Variants in IFT88 observed in about 807,000 individuals in gnomAD.
IFT88 encodes intraflagellar transport 88, also known as intraflagellar transport protein 88 homolog.
A neutral mutation model predicts 119.5 loss-of-function variants in IFT88; 74 were observed. The observed-to-expected ratio is 0.62, with a 90% CI of 0.51 to 0.75. The LOEUF is 0.75. Among genes scored for constraint, IFT88 ranks in the 30% least tolerant of loss-of-function variants. The pLI is 0.00. For synonymous variants in IFT88, 279 were observed against 316.7 expected (o/e 0.88, Z 1.26); for missense variants, 961 against 977.7 (o/e 0.98, Z 0.23).
At chr13:20,626,366 T>C (rs766906271) in intron 15 of IFT88, among the ~76,000 whole-genome samples, 3 of 152,108 alleles carry the variant, frequency 2.0e-5, no homozygotes, top group African/African-American at 4.8e-5. Context: ...AGCTGTTGTT[T>C]CTTAAAATGT....
chr13:20,651,422 T>TTA (rs1491207459), intron 20 of IFT88, among the ~76,000 whole-genome samples: 1 of 146,158 alleles, frequency 6.8e-6, no homozygotes, highest in Non-Finnish European at 1.5e-5. Context: ...GATCAGATAC[T>TTA]TACACATGTT....
At chr13:20,648,598 G>A (rs753327273) in intron 20 of IFT88, among the ~76,000 whole-genome samples, 13 of 152,136 alleles carry the variant, frequency 8.5e-5, no homozygotes, top group South Asian at 4.2e-4. Flanking sequence ...AAAAAGAGTA[G>A]TAATGGAAGA....
intron 14 of IFT88, among the ~76,000 whole-genome samples, chr13:20,625,546 G>T (rs2047161042): frequency 6.6e-6 from 1 of 152,120 alleles, no homozygotes. Flanking sequence ...ATTAAAATAG[G>T]CTAATGATAA....
intron 1 of IFT88, among the ~76,000 whole-genome samples, chr13:20,572,589 G>A (rs78917149): frequency 0.013 from 2,012 of 152,210 alleles, 44 homozygotes; most frequent in African/African-American, 0.045. Context: ...AACAGCATGC[G>A]TATCAATTAT....
chr13:20,691,393 T>C lies in IFT88; in HGVS notation c.*218T>C. On this transcript the variant is annotated 3_prime_UTR_variant, in exon 26 of 26. Transcript: ENST00000351808. ...TTTAGGCCAGTGACTTCCTTAGCTT[T>C]TTGAAAACATTGACACACAGGAAGA... The C allele has an allele frequency of 2.6e-6, 1 of 384,100 alleles. No homozygotes were observed. The allele number at this position is 384,100 out of a possible 1,614,324, so 23.8% of individuals were successfully genotyped here.
At chr13:20,598,857 A>T in intron 10 of IFT88, 104 bp downstream of exon 10, 1 of 672,948 alleles carries the variant, frequency 1.5e-6, no homozygotes, top group East Asian at 2.7e-5. Flanking sequence ...TCTATGCTCT[A>T]AACAAATCAG....
At chr13:20,613,094 G>T (rs141335373) in intron 13 of IFT88, among the ~76,000 whole-genome samples, 1 of 152,072 alleles carries the variant, frequency 6.6e-6, no homozygotes, top group Admixed American at 6.5e-5. Context: ...TAAATTGGAC[G>T]TTATCAAAAT....
intron 3 of IFT88, among the ~76,000 whole-genome samples, chr13:20,587,454 C>T (rs9578304): frequency 0.08 from 12,181 of 152,082 alleles, 584 homozygotes; most frequent in African/African-American, 0.1. Context: ...GACGGAGTTT[C>T]ACCATGTTAG....
chr13:20,602,952 T>G (rs1209296339), intron 12 of IFT88, among the ~76,000 whole-genome samples: 1 of 152,020 alleles, frequency 6.6e-6, no homozygotes, highest in Non-Finnish European at 1.5e-5. Context: ...TTATCAAAAG[T>G]CATATTTTCA....
At chr13:20,683,707 C>T (rs1365304905) in intron 24 of IFT88, among the ~76,000 whole-genome samples, 3 of 152,140 alleles carry the variant, frequency 2.0e-5, no homozygotes, top group Non-Finnish European at 2.9e-5. Context: ...GGTTATTTCA[C>T]AGGTAGGACA....
At chr13:20,626,057 T>C (rs1278275790) in intron 15 of IFT88, among the ~76,000 whole-genome samples, 10 of 92,996 alleles carry the variant, frequency 1.1e-4, no homozygotes, top group African/African-American at 3.7e-4. Context: ...TTTTTTTTTT[T>C]TTTTTTTTTT....
intron 24 of IFT88, among the ~76,000 whole-genome samples, chr13:20,682,503 T>A (rs1227454207): frequency 6.6e-6 from 1 of 152,190 alleles, no homozygotes; most frequent in Non-Finnish European, 1.5e-5. Context: ...CCCCTGGTAA[T>A]TTTTGAAAGT....
intron 16 of IFT88, among the ~76,000 whole-genome samples, chr13:20,637,795 A>C (rs1317503050): frequency 6.6e-6 from 1 of 152,228 alleles, no homozygotes; most frequent in Non-Finnish European, 1.5e-5. Flanking sequence ...TTGGAAATGT[A>C]GTTCCTGGCT....
intron 20 of IFT88, among the ~76,000 whole-genome samples, chr13:20,648,739 A>G (rs911343491): frequency 5.3e-5 from 8 of 152,184 alleles, no homozygotes; most frequent in African/African-American, 1.9e-4. Flanking sequence ...CAGATTGAAT[A>G]AGAAAATCAG....
At chr13:20,687,029 A>C (rs1228034983) in intron 24 of IFT88, among the ~76,000 whole-genome samples, 3 of 150,354 alleles carry the variant, frequency 2.0e-5, no homozygotes, top group African/African-American at 7.4e-5. Flanking sequence ...TACCAAAAAA[A>C]AAAAAAAAAA....
chr13:20,660,946 A>G (rs1292663049), intron 22 of IFT88, among the ~76,000 whole-genome samples: 1 of 152,160 alleles, frequency 6.6e-6, no homozygotes, highest in Non-Finnish European at 1.5e-5. Flanking sequence ...TATTATATAT[A>G]TTATCAGTAA....
chr13:20,649,503 C>A (rs933170431), intron 20 of IFT88, among the ~76,000 whole-genome samples: 2 of 151,860 alleles, frequency 1.3e-5, no homozygotes, highest in Non-Finnish European at 2.9e-5. Flanking sequence ...CAAAAGCATC[C>A]CTAAGAGGGA....
chr13:20,573,498 A>G (rs1235074958), intron 1 of IFT88, among the ~76,000 whole-genome samples: 3 of 152,178 alleles, frequency 2.0e-5, no homozygotes, highest in African/African-American at 4.8e-5. Flanking sequence ...GACAGCTACT[A>G]TGAACATTCT....
intron 13 of IFT88, among the ~76,000 whole-genome samples, chr13:20,613,091 G>T (rs1223036041): frequency 6.6e-6 from 1 of 152,120 alleles, no homozygotes. Flanking sequence ...AGATAAATTG[G>T]ACGTTATCAA....
Sources: allele counts gnomAD v4.1 joint callset (sites outside exome capture counted in the v4.1 genomes callset), GRCh38; gene constraint gnomAD v4.1.1; transcripts MANE v1.5; gene names NCBI Gene and HGNC (gene_info 2026-07-23, HGNC 2026-07-21).